The following TBC1D9 variants were observed in gnomAD, a reference collection of about 807,000 sequenced individuals.
TBC1D9 encodes TBC1 domain family member 9.
Under a neutral mutation model 132.0 loss-of-function variants are expected in TBC1D9, and 63 were observed. The ratio of observed to expected loss-of-function variants is 0.48; its 90% confidence interval spans 0.39 to 0.59. TBC1D9 has a LOEUF of 0.59. Among genes scored for constraint, TBC1D9 ranks in the 20% least tolerant of loss-of-function variants. The probability of loss-of-function intolerance (pLI) is 0.00; values close to 1 mark genes in which losing one functional copy is unlikely to be tolerated. For synonymous variants in TBC1D9, 610 were observed against 609.9 expected, an observed-to-expected ratio of 1.00 and a Z score of 0.00; for missense variants, 1,261 against 1,592.7, an observed-to-expected ratio of 0.79 and a Z score of 3.54.
chr4:140,632,950 C>T (rs928668352), intron 16 of TBC1D9, among the ~76,000 whole-genome samples: 3 of 152,160 alleles, frequency 2.0e-5, no homozygotes, highest in South Asian at 2.1e-4. Flanking sequence ...TAAATAAATG[C>T]GAGTTCTCCC....
chr4:140,634,956 T>A (rs2110972056), intron 15 of TBC1D9, among the ~76,000 whole-genome samples: 1 of 152,280 alleles, frequency 6.6e-6, no homozygotes, highest in East Asian at 1.9e-4. Flanking sequence ...GAGGTCATGG[T>A]GACTCTGGTA....
chr4:140,626,616 T>C (rs1736712910), intron 18 of TBC1D9, among the ~76,000 whole-genome samples: 1 of 152,250 alleles, frequency 6.6e-6, no homozygotes, highest in African/African-American at 2.4e-5. Context: ...GAAGGTAACT[T>C]ACTGCAGTAG....
chr4:140,662,112 GAT>G lies in TBC1D9; in HGVS notation c.1589-7_1589-6del, dbSNP rs1737371008. On this transcript the variant is annotated splice_polypyrimidine_tract_variant and splice_region_variant and intron_variant, in intron 9 of 20. Coordinates refer to ENST00000442267, the MANE Select transcript of TBC1D9 (RefSeq NM_015130.3). ...TGGCCTTCTCATTGATGGCACCTGA[GAT>G]ATATCCAACAGATACAGTATCAAAA... 6.2e-7 allele frequency: 1 copy of G among 1,610,692 alleles called. No individual in the cohort carries two copies.
At position 140,651,628 on chromosome 4, in the gene TBC1D9, G is replaced by A. The variant is rs74560876; in HGVS notation, c.2337+5469C>T. On this transcript the variant is annotated intron_variant, in intron 13 of 20. Coordinates refer to ENST00000442267, the MANE Select transcript of TBC1D9 (RefSeq NM_015130.3). ...ATGGATTAGCAAAAAATGCCATGCCGAAACTCACCTTATCTGTTAGAGACA... is the reference window on the plus strand; with the variant it reads ...ATGGATTAGCAAAAAATGCCATGCCAAAACTCACCTTATCTGTTAGAGACA... Among the ~76,000 whole-genome samples, 251 of 152,250 alleles carry A rather than the reference G, an allele frequency of 1.6e-3. 5 individuals are homozygous for A. In the East Asian group the frequency reaches 0.026, roughly 16 times the overall value.
In TBC1D9 at chr4:140,657,441, T is replaced by C. The variant is rs1052947133; in HGVS notation, c.2207+86A>G. The C allele has an allele frequency of 1.0e-5, 15 of 1,441,134 alleles. No individual in the cohort carries two copies. The East Asian group carries it at 3.0e-4, about 29-fold the overall frequency. The allele number at this position is 1,441,134 out of a possible 1,614,324, so 89.3% of individuals were successfully genotyped here. ...GAAGAAGCGGGCATTATGATCACCA[T>C]CAAATCAGTTAAGACTCATGAAATG... On this transcript the variant is annotated intron_variant, in intron 12 of 20. Coordinates refer to ENST00000442267, the MANE Select transcript of TBC1D9 (RefSeq NM_015130.3).
At chr4:140,731,401 A>C (rs1738587559) in intron 1 of TBC1D9, among the ~76,000 whole-genome samples, 1 of 152,156 alleles carries the variant, frequency 6.6e-6, no homozygotes, top group African/African-American at 2.4e-5. Context: ...CCATTAAAGA[A>C]GGAAAAAGGG....
At chr4:140,666,262 C>T (rs1737442279) in intron 9 of TBC1D9, among the ~76,000 whole-genome samples, 1 of 152,160 alleles carries the variant, frequency 6.6e-6, no homozygotes, top group Non-Finnish European at 1.5e-5. Flanking sequence ...AGAAAGTAGT[C>T]TGGTGGTTGC....
At chr4:140,672,103 C>T (rs1309134552) in intron 6 of TBC1D9, among the ~76,000 whole-genome samples, 1 of 151,806 alleles carries the variant, frequency 6.6e-6, no homozygotes, top group African/African-American at 2.4e-5. Flanking sequence ...AATAGGTCTG[C>T]CTGGGGTCCA....
chr4:140,727,060 T>C (rs546424508), intron 1 of TBC1D9, among the ~76,000 whole-genome samples: 1 of 152,360 alleles, frequency 6.6e-6, no homozygotes, highest in Admixed American at 6.5e-5. Flanking sequence ...CAAGGTTATC[T>C]TGTTAGCATT....
chr4:140,630,875 A>G (rs1578813920), intron 16 of TBC1D9, among the ~76,000 whole-genome samples: 1 of 152,326 alleles, frequency 6.6e-6, no homozygotes, highest in African/African-American at 2.4e-5. Flanking sequence ...TTTGAGCCAG[A>G]CACACTTCTA....
intron 1 of TBC1D9, among the ~76,000 whole-genome samples, chr4:140,707,591 A>T (rs1560891812): frequency 6.6e-6 from 1 of 152,208 alleles, no homozygotes; most frequent in Non-Finnish European, 1.5e-5. Flanking sequence ...TACATTCTCT[A>T]GAAGTCTTAA....
chr4:140,654,127 A>C (rs1268222136), intron 13 of TBC1D9, among the ~76,000 whole-genome samples: 3 of 152,284 alleles, frequency 2.0e-5, no homozygotes, highest in Non-Finnish European at 4.4e-5. Context: ...ACTTCTGCAC[A>C]GAGGGGTGCC....
rs753755477 is a variant in TBC1D9 at position 140,662,048 on chromosome 4, T to C, written c.1648A>G (p.Met550Val). The C allele has an allele frequency of 6.2e-6, 10 of 1,613,976 alleles. No homozygotes were observed. The highest frequency in any genetic ancestry group is 8.5e-6 in the Non-Finnish European group (10 of 1,179,880). ...GYYEDLVEKS[M>V]GKYNLATEEI... ...TCCGTGGCGAGATTATACTTCCCCA[T>C]GGACTTCTCCACTAGGTCTTCATAG... The change falls in exon 10 of 21, where the codon ATG becomes GTG. Residue 550 changes from methionine (M) to valine (V), a missense_variant. Physicochemically the swap from Met to Val is conservative, Grantham distance 21 (BLOSUM62 1). Transcript: ENST00000442267.
intron 13 of TBC1D9, among the ~76,000 whole-genome samples, chr4:140,649,317 A>G (rs1737150337): frequency 6.6e-6 from 1 of 152,240 alleles, no homozygotes; most frequent in Admixed American, 6.5e-5. Context: ...AAATAAAACT[A>G]GGTCATCAAA....
chr4:140,720,062 T>C (rs1026277389), intron 1 of TBC1D9, among the ~76,000 whole-genome samples: 3 of 152,216 alleles, frequency 2.0e-5, no homozygotes, highest in Non-Finnish European at 4.4e-5. Context: ...ATATTGCACA[T>C]GAACCAATTT....
chr4:140,631,472 C>T (rs1173555962), intron 16 of TBC1D9, among the ~76,000 whole-genome samples: 1 of 152,180 alleles, frequency 6.6e-6, no homozygotes, highest in Non-Finnish European at 1.5e-5. Context: ...CTGCCTGCCT[C>T]AGCCTGAAAC....
chr4:140,644,193 G>T, intron 13 of TBC1D9: 1 of 338,526 alleles, frequency 3.0e-6, no homozygotes. Flanking sequence ...ATACCTGGGC[G>T]GCATATCTGA....
Position 140,657,150 on chromosome 4 carries a change from C to T in TBC1D9, c.2284G>A (p.Val762Met), listed in dbSNP as rs745678037. 8.1e-6 allele frequency: 13 copies of T among 1,613,860 alleles called. No individual in the cohort carries two copies. The African/African-American group carries it at 1.6e-4, about 20-fold the overall frequency. The change falls in exon 13 of 21, where the codon GTG becomes ATG. Residue 762 changes from valine to methionine, a missense_variant. Physicochemically the swap from Val to Met is conservative, Grantham distance 21. This residue lies in a region of TBC1D9 where 618 missense variants were observed against 724.4 expected (regional missense o/e 0.85). Transcript: ENST00000442267. Reference sequence around the variant, plus strand: ...ATGTCTACCTCAGGGTAAGGTTCCACATCATCGCTGAGCAAGGAGTGGAGG... The same window carrying T: ...ATGTCTACCTCAGGGTAAGGTTCCATATCATCGCTGAGCAAGGAGTGGAGG... ...PHLHSLLSDD[V>M]EPYPEVDIFR...
At chr4:140,728,756 G>A (rs1013992876) in intron 1 of TBC1D9, among the ~76,000 whole-genome samples, 20 of 152,186 alleles carry the variant, frequency 1.3e-4, no homozygotes, top group African/African-American at 4.3e-4. Context: ...TCTGCCTCTC[G>A]GGTTCAAGCG....
Sources: allele counts gnomAD v4.1 joint callset (sites outside exome capture counted in the v4.1 genomes callset), GRCh38; gene constraint gnomAD v4.1.1; regional missense constraint gnomAD v4.1.1; transcripts MANE v1.5; gene names NCBI Gene and HGNC (gene_info 2026-07-23, HGNC 2026-07-21).